The following COL6A2 variants were observed in gnomAD, a reference collection of about 807,000 sequenced individuals.
COL6A2 encodes the protein collagen alpha-2(VI) chain.
A neutral mutation model predicts 124.9 loss-of-function variants in COL6A2; 90 were observed. That is an observed-to-expected ratio of 0.72 (90% CI 0.61 to 0.86). The LOEUF (loss-of-function observed/expected upper bound fraction) is 0.86. Among genes scored for constraint, COL6A2 ranks in the 40% least tolerant of loss-of-function variants. The pLI, the probability that COL6A2 is intolerant of heterozygous loss-of-function variation, is 0.00. For synonymous variants in COL6A2, 793 were observed against 618.2 expected (o/e 1.28, Z -4.19); for missense variants, 1,607 against 1,502.5 (o/e 1.07, Z -1.15).
chr21:46,111,923 G>A, intron 2 of COL6A2, 56 bp from the exon 3 acceptor site: 1 of 1,555,898 alleles, frequency 6.4e-7, no homozygotes, highest in South Asian at 1.1e-5. Context: ...CAGGAAACGG[G>A]GCTCCAACAG....
At chr21:46,125,728 T>G in intron 25 of COL6A2, 57 bp from the exon 26 acceptor site, 1 of 1,601,670 alleles carries the variant, frequency 6.2e-7, no homozygotes, top group Middle Eastern at 1.7e-4. Flanking sequence ...TCTGCATGGC[T>G]GGGGATGCCC....
In COL6A2 at chr21:46,132,091, C is replaced by T. The variant is rs144484744; in HGVS notation, c.2599C>T (p.Arg867Trp). 6.5e-4 allele frequency: 1,034 copies of T among 1,597,858 alleles called. 5 individuals carry two copies. Among genetic ancestry groups the T allele is most frequent in the Admixed American group, 6.1e-3 (355 of 58,562 alleles). Residue 867 changes from arginine (R) to tryptophan (W), a missense_variant, in exon 28 of 28, where the codon CGG (arginine) becomes TGG (tryptophan). By Grantham distance (101) the Arg-to-Trp change is moderately radical. Transcript: ENST00000300527. ...GGTGGCGCGGCGGCTGACGCTGGCC[C>T]GGAGGGACGACGACCCTCTCAACGC... ...EQVARRLTLA[R>W]RDDDPLNARV...
Position 46,116,989 on chromosome 21 carries a change from A to C in COL6A2, c.999+175A>C, listed in dbSNP as rs1052807572. On this transcript the variant is annotated intron_variant, in intron 10 of 27. Coordinates refer to ENST00000300527, the MANE Select transcript of COL6A2 (RefSeq NM_001849.4). The surrounding 1 kb of genome is among the most constrained non-coding windows in gnomAD (Gnocchi z 4.6). ...AGCTCCTGCCACATCCCACTGCCCCACCCAGGGCTTCACCAGCCTGCATCT... is the reference window on the plus strand; with the variant it reads ...AGCTCCTGCCACATCCCACTGCCCCCCCCAGGGCTTCACCAGCCTGCATCT... Among the ~76,000 whole-genome samples the C allele has an allele frequency of 6.6e-6, 1 of 150,970 alleles. No individual in the cohort carries two copies. Among genetic ancestry groups the C allele is most frequent in the Non-Finnish European group, 1.5e-5 (1 of 67,768 alleles).
At chr21:46,128,481 G>GTTGTGGC (rs1402123907) in intron 27 of COL6A2, among the ~76,000 whole-genome samples, 17 of 152,090 alleles carry the variant, frequency 1.1e-4, no homozygotes, top group Non-Finnish European at 2.4e-4. Context: ...GACACCACTG[G>GTTGTGGC]CTGTGGCCTG....
Position 46,116,497 on chromosome 21 carries a change from G to T in COL6A2, c.927+94G>T. The T allele has an allele frequency of 6.3e-7, 1 of 1,584,468 alleles. No individual in the cohort carries two copies. Among genetic ancestry groups the T allele is most frequent in the Non-Finnish European group, 8.6e-7 (1 of 1,157,808 alleles). On this transcript the variant is annotated intron_variant, in intron 8 of 27. Transcript: ENST00000300527. This position sits in a 1 kb window ranked among gnomAD's most constrained non-coding sequence, Gnocchi z 4.6. Reference sequence around the variant, plus strand: ...GCCGCAGCCTGTCACTGCTCCTGGGGCACCGGCCTGGTCTTTTCTCAGTGG... The same window carrying T: ...GCCGCAGCCTGTCACTGCTCCTGGGTCACCGGCCTGGTCTTTTCTCAGTGG...
At position 46,122,080 on chromosome 21, in the gene COL6A2, T is replaced by C. The variant is rs200336225; in HGVS notation, c.1522-28T>C. The C allele has an allele frequency of 2.7e-4, 433 of 1,611,530 alleles. No homozygotes were observed. In the East Asian group the frequency reaches 7.8e-3, roughly 29 times the overall value. ...CCAGCCCCACCCCGTCCTATGACCA[T>C]GCTGACCGACTCAACGTCCTCCTCC... On this transcript the variant is annotated intron_variant, in intron 18 of 27. Coordinates refer to ENST00000300527, the MANE Select transcript of COL6A2 (RefSeq NM_001849.4).
intron 27 of COL6A2, among the ~76,000 whole-genome samples, chr21:46,127,408 CA>C (rs2123672276): frequency 6.6e-6 from 1 of 152,244 alleles, no homozygotes; most frequent in South Asian, 2.1e-4. Flanking sequence ...GAGGCTGCCC[CA>C]GGGGAGGAGC....
chr21:46,112,347 G>A lies in COL6A2; in HGVS notation c.484G>A (p.Asp162Asn), dbSNP rs1216448596. 6.2e-7 allele frequency: 1 copy of A among 1,609,542 alleles called. No individual in the cohort carries two copies. The highest frequency in any genetic ancestry group is 8.5e-7 in the Non-Finnish European group (1 of 1,178,544). ...CGTCCACTTCGCCGTGGTCATCACC[G>A]ACGGCCACGTCACCGGCAGCCCCTG... ...GTVHFAVVIT[D>N]GHVTGSPCGG... Residue 162 changes from aspartate to asparagine, a missense_variant, in exon 3 of 28, where the codon GAC becomes AAC. Transcript: ENST00000300527.
intron 27 of COL6A2, 54 bp from the exon 28 acceptor site, chr21:46,131,900 G>T (rs1318896731): frequency 1.3e-6 from 2 of 1,503,708 alleles, no homozygotes; most frequent in Non-Finnish European, 9.0e-7. Context: ...GCTGGCACCT[G>T]CCCGGTCCTG....
rs951688552 is a variant in COL6A2 at position 46,126,298 on chromosome 21, G to A, written c.2422+61G>A. The A allele has an allele frequency of 5.1e-5, 80 of 1,573,598 alleles. 1 individual carries two copies. The highest frequency in any genetic ancestry group is 1.3e-4 in the Admixed American group (8 of 59,854). Reference sequence around the variant, plus strand: ...CAGCAGGCCCCAGCCGCTGTCTAGCGTGAGCCCCAGGGACACCCCTCACCT... The same window carrying A: ...CAGCAGGCCCCAGCCGCTGTCTAGCATGAGCCCCAGGGACACCCCTCACCT... On this transcript the variant is annotated intron_variant, in intron 26 of 27. Transcript: ENST00000300527.
chr21:46,126,437 G>A (rs2078669205), intron 26 of COL6A2, 66 bp from the exon 27 acceptor site: 1 of 1,603,172 alleles, frequency 6.2e-7, no homozygotes, highest in East Asian at 2.2e-5. Context: ...GCAGATCAGT[G>A]AACGGCCGCT....
Position 46,125,621 on chromosome 21 carries a change from A to G in COL6A2, c.1969+4A>G, listed in dbSNP as rs775997945. 6.3e-7 allele frequency: 1 copy of G among 1,580,708 alleles called. No homozygotes were observed. Among genetic ancestry groups the G allele is most frequent in the Non-Finnish European group, 8.6e-7 (1 of 1,156,994 alleles). On this transcript the variant is annotated splice_donor_region_variant and intron_variant, in intron 25 of 27. Coordinates refer to ENST00000300527, the MANE Select transcript of COL6A2 (RefSeq NM_001849.4). ...AAGGACCCCAAGTCCGAGACAGGTCAGCGGGGCAGGGGCGGGTGCAGCATT... is the reference window on the plus strand; with the variant it reads ...AAGGACCCCAAGTCCGAGACAGGTCGGCGGGGCAGGGGCGGGTGCAGCATT...
At chr21:46,125,188 AC>A (rs1209598790) in intron 23 of COL6A2, 77 bp from the exon 24 acceptor site, 5 of 1,387,836 alleles carry the variant, frequency 3.6e-6, no homozygotes, top group Non-Finnish European at 5.1e-6. Flanking sequence ...ATGTCCCGGG[AC>A]CCCCAGGCCA....
intron 1 of COL6A2, among the ~76,000 whole-genome samples, chr21:46,100,942 T>C (rs1324795166): frequency 6.6e-6 from 1 of 152,226 alleles, no homozygotes; most frequent in African/African-American, 2.4e-5. Context: ...GATCATTTGA[T>C]TTTTTCATTT....
rs568363712 is a variant in COL6A2 at position 46,111,526 on chromosome 21, C to A, written c.50C>A (p.Ala17Asp). The A allele has an allele frequency of 6.2e-7, 1 of 1,612,966 alleles. No individual in the cohort carries two copies. The highest frequency in any genetic ancestry group is 1.1e-5 in the South Asian group (1 of 91,080). ...SVLLLWGILG[A>D]IQAQQQEVIS... The stretch of plus-strand genomic sequence containing the variant: ...CTCCTGCTCTGGGGAATCCTGGGGG[C>A]CATCCAGGCCCAGCAGCAGGAGGTC... The change falls in exon 2 of 28, where the codon GCC becomes GAC. Residue 17 changes from alanine (A) to aspartate (D), a missense_variant. Ala to Asp is a moderately radical substitution (Grantham distance 126). This residue lies in a region of COL6A2 where 342 missense variants were observed against 381.5 expected (regional missense o/e 0.90). Transcript: ENST00000300527.
At chr21:46,131,221 T>G (rs572834256) in intron 27 of COL6A2, among the ~76,000 whole-genome samples, 7 of 152,326 alleles carry the variant, frequency 4.6e-5, no homozygotes, top group African/African-American at 1.7e-4. Flanking sequence ...TCCTGTCCTG[T>G]GGTCTCTGGC....
In COL6A2 at chr21:46,126,003, A is replaced by T. The variant is rs1368751497; in HGVS notation, c.2188A>T (p.Ile730Phe). 3.7e-6 allele frequency: 6 copies of T among 1,612,844 alleles called. No individual in the cohort carries two copies. The change falls in exon 26 of 28, where the codon ATC becomes TTC. Residue 730 changes from isoleucine to phenylalanine, a missense_variant. Physicochemically the swap from Ile to Phe is conservative, Grantham distance 21. Transcript: ENST00000300527. ...GAAGACACGTGTGTTTGCGGTGGTC[A>T]TCACGGACGGGCGCCACGACCCTCG... Reference protein sequence around the residue: ...RQKTRVFAVVITDGRHDPRDD... With the variant: ...RQKTRVFAVVFTDGRHDPRDD...
At chr21:46,126,377 C>G in intron 26 of COL6A2, 126 bp from the exon 27 acceptor site, 1 of 1,520,228 alleles carries the variant, frequency 6.6e-7, no homozygotes. Flanking sequence ...AGGGGTCGGG[C>G]CCTCTCGGGG....
At chr21:46,103,441 A>G (rs148706202) in intron 1 of COL6A2, among the ~76,000 whole-genome samples, 97 of 151,480 alleles carry the variant, frequency 6.4e-4, no homozygotes, top group Admixed American at 1.4e-3. Flanking sequence ...TCTGATCTTT[A>G]TTTTTTCCTT....
Sources: allele counts gnomAD v4.1 joint callset (sites outside exome capture counted in the v4.1 genomes callset), GRCh38; gene constraint gnomAD v4.1.1; regional missense constraint gnomAD v4.1.1; non-coding constraint Gnocchi (gnomAD v3.1); transcripts MANE v1.5; gene names NCBI Gene and HGNC (gene_info 2026-07-23, HGNC 2026-07-21).